TRHDE: variants seen among roughly 807,000 people sequenced by gnomAD.
The protein encoded by TRHDE is thyrotropin releasing hormone degrading enzyme.
A neutral mutation model predicts 125.7 loss-of-function variants in TRHDE; 72 were observed. The ratio of observed to expected loss-of-function variants is 0.57; its 90% confidence interval spans 0.47 to 0.70. TRHDE has a LOEUF of 0.70. TRHDE is among the 30% of genes least tolerant of loss of function. The pLI, the probability that TRHDE is intolerant of heterozygous loss-of-function variation, is 0.00. For synonymous variants in TRHDE, 509 were observed against 509.1 expected (o/e 1.00, Z 0.00); for missense variants, 1,110 against 1,327.1 (o/e 0.84, Z 2.54).
rs918363126 is a variant in TRHDE, at chr12:72,546,509, C to T, written c.1788+4153C>T. 4.4e-4 allele frequency among the ~76,000 whole-genome samples: 66 copies of T among 151,540 alleles called. 1 individual carries two copies. The highest frequency in any genetic ancestry group is 1.5e-4 in the Non-Finnish European group (10 of 67,756). On this transcript the variant is annotated intron_variant, in intron 7 of 18. Transcript: ENST00000261180. The stretch of plus-strand genomic sequence containing the variant: ...GATCATTTAAGAAGCTGTTTTGGCT[C>T]TGAAAATGATTAACTATCATGATCC...
rs143923885 is a variant in TRHDE at position 72,205,187 on chromosome 12, A to G, written n.279+99435A>G. Reference sequence around the variant, plus strand: ...GAACTTCCACTTTGGGTCTTTGTTCATGCTTTTTCATGCCCTTTGGTACAC... The same window carrying G: ...GAACTTCCACTTTGGGTCTTTGTTCGTGCTTTTTCATGCCCTTTGGTACAC... On this transcript the variant is annotated intron_variant and non_coding_transcript_variant, in intron 2 of 4. Coordinates refer to the TRHDE transcript ENST00000548156. Among the ~76,000 whole-genome samples, 109 of 152,252 alleles carry G rather than the reference A, an allele frequency of 7.2e-4. 1 individual carries two copies. The East Asian group carries it at 0.017, about 23-fold the overall frequency.
At chr12:72,589,251 C>T (rs1477629843) in intron 12 of TRHDE, among the ~76,000 whole-genome samples, 1 of 152,102 alleles carries the variant, frequency 6.6e-6, no homozygotes, top group South Asian at 2.1e-4. Context: ...TTCTTATGAT[C>T]GATCTGATTT....
chr12:72,172,902 A>G (rs756028802), intron 2 of TRHDE, among the ~76,000 whole-genome samples: 1 of 152,194 alleles, frequency 6.6e-6, no homozygotes, highest in Non-Finnish European at 1.5e-5. Flanking sequence ...GTGGTTGCAG[A>G]TCTCTTTTAT....
chr12:72,360,799 G>C (rs1346943630), intron 2 of TRHDE, among the ~76,000 whole-genome samples: 1 of 151,682 alleles, frequency 6.6e-6, no homozygotes, highest in Non-Finnish European at 1.5e-5. Flanking sequence ...GGAGTGTTTT[G>C]CAGTTATGAT....
At chr12:72,118,862 C>A (rs556260292) in intron 2 of TRHDE, among the ~76,000 whole-genome samples, 27 of 152,080 alleles carry the variant, frequency 1.8e-4, no homozygotes, top group African/African-American at 6.5e-4. Flanking sequence ...TCTAATAATT[C>A]TTTGATTTGC....
At chr12:72,500,849 CTTTTTTT>C (rs11314911) in intron 6 of TRHDE, among the ~76,000 whole-genome samples, 5 of 109,342 alleles carry the variant, frequency 4.6e-5, no homozygotes, top group African/African-American at 1.0e-4. Context: ...CAACTTTGTT[CTTTTTTT>C]TTTTTTTTTT....
intron 3 of TRHDE, among the ~76,000 whole-genome samples, chr12:72,428,096 T>A (rs974307408): frequency 2.0e-5 from 3 of 152,134 alleles, no homozygotes; most frequent in African/African-American, 4.8e-5. Flanking sequence ...CCTTTTAATA[T>A]TTTGGTTCAT....
intron 9 of TRHDE, among the ~76,000 whole-genome samples, chr12:72,564,653 A>T (rs1391579437): frequency 4.1e-4 from 22 of 54,318 alleles, no homozygotes; most frequent in Admixed American, 1.0e-3. Context: ...ATGCGTATGA[A>T]TTTTTTTTTT....
At chr12:72,229,779 C>T (rs1878211249) in intron 2 of TRHDE, among the ~76,000 whole-genome samples, 1 of 152,062 alleles carries the variant, frequency 6.6e-6, no homozygotes, top group Admixed American at 6.6e-5. Flanking sequence ...TGAGATTTAG[C>T]AGCAATCTAT....
At chr12:72,541,772 A>G (rs1402670481) in intron 6 of TRHDE, among the ~76,000 whole-genome samples, 1 of 151,450 alleles carries the variant, frequency 6.6e-6, no homozygotes, top group Non-Finnish European at 1.5e-5. Context: ...AAACATGGTG[A>G]GTAAGTAGCA....
Position 72,553,342 on chromosome 12 carries a change from T to G in TRHDE, c.1789-8823T>G, listed in dbSNP as rs747453900. Among the ~76,000 whole-genome samples the G allele has an allele frequency of 6.9e-4, 105 of 152,304 alleles. 1 individual carries two copies. Among genetic ancestry groups the G allele is most frequent in the South Asian group, 4.1e-4 (2 of 4,826 alleles). Reference sequence around the variant, plus strand: ...TTGAAGGACAGTACAACAAAAAAGATGAGGCTTTTTTCTAGGATTTGATTA... The same window carrying G: ...TTGAAGGACAGTACAACAAAAAAGAGGAGGCTTTTTTCTAGGATTTGATTA... On this transcript the variant is annotated intron_variant, in intron 7 of 18. Transcript: ENST00000261180.
chr12:72,266,393 G>A (rs1384575233), intron 2 of TRHDE, among the ~76,000 whole-genome samples: 1 of 151,728 alleles, frequency 6.6e-6, no homozygotes, highest in East Asian at 1.9e-4. Context: ...CATGTAAACT[G>A]CTTATTCTGC....
chr12:72,281,954 A>C (rs1157582767), intron 1 of TRHDE, among the ~76,000 whole-genome samples: 1 of 152,206 alleles, frequency 6.6e-6, no homozygotes, highest in Non-Finnish European at 1.5e-5. Flanking sequence ...CCAAAATGTC[A>C]AATAGACAAG....
At chr12:72,301,025 T>A (rs1182490761) in intron 2 of TRHDE, among the ~76,000 whole-genome samples, 1 of 152,166 alleles carries the variant, frequency 6.6e-6, no homozygotes, top group Non-Finnish European at 1.5e-5. Flanking sequence ...GGGGGAGGAC[T>A]GGCCACAGTG....
chr12:72,413,013 G>A (rs1873575859), intron 3 of TRHDE, among the ~76,000 whole-genome samples: 1 of 151,904 alleles, frequency 6.6e-6, no homozygotes, highest in Non-Finnish European at 1.5e-5. Context: ...GGTTTATTAA[G>A]TTCTTTTTCT....
At chr12:72,490,754 T>C (rs1167888119) in intron 5 of TRHDE, among the ~76,000 whole-genome samples, 1 of 132,528 alleles carries the variant, frequency 7.5e-6, no homozygotes, top group Non-Finnish European at 1.6e-5. Context: ...ATGTGGAATC[T>C]GTAAAAAAAA....
At chr12:72,428,299 A>G (rs531572690) in intron 3 of TRHDE, among the ~76,000 whole-genome samples, 98 of 152,218 alleles carry the variant, frequency 6.4e-4, no homozygotes, top group African/African-American at 2.3e-3. Context: ...GAATTATTTC[A>G]CTAATTCCAT....
At chr12:72,409,287 A>G (rs1035801260) in intron 3 of TRHDE, among the ~76,000 whole-genome samples, 1 of 152,224 alleles carries the variant, frequency 6.6e-6, no homozygotes, top group African/African-American at 2.4e-5. Flanking sequence ...CAGGGAAGAT[A>G]TATTTTAAGA....
chr12:72,301,451 G>T (rs1228976189), intron 2 of TRHDE, among the ~76,000 whole-genome samples: 1 of 152,116 alleles, frequency 6.6e-6, no homozygotes, highest in Non-Finnish European at 1.5e-5. Flanking sequence ...AAATAGTCCT[G>T]TGCAAAAGAA....
Sources: allele counts gnomAD v4.1 joint callset (sites outside exome capture counted in the v4.1 genomes callset), GRCh38; gene constraint gnomAD v4.1.1; transcripts MANE v1.5; gene names NCBI Gene and HGNC (gene_info 2026-07-23, HGNC 2026-07-21).